Variants in PPP1R3F observed in about 807,000 individuals in gnomAD.
PPP1R3F encodes the protein protein phosphatase 1, regulatory (inhibitor) subunit 3F.
In PPP1R3F, 29 loss-of-function variants were observed where a neutral mutation model predicts 24.2. The observed-to-expected ratio is 1.20, with a 90% confidence interval of 0.89 to 1.63. The LOEUF is 1.63. Ranked by LOEUF, PPP1R3F falls within the 40% of genes most tolerant of loss-of-function variation. The pLI is 0.00. For synonymous variants in PPP1R3F, 363 were observed against 340.1 expected (o/e 1.07, Z -0.74); for missense variants, 823 against 729.3 (o/e 1.13, Z -1.48).
At chrX:49,278,454 A>G (rs1274526830) in intron 1 of PPP1R3F, among the ~76,000 whole-genome samples, 3 of 112,541 alleles carry the variant, frequency 2.7e-5, no homozygotes, top group Non-Finnish European at 3.8e-5. Flanking sequence ...CCTGGATTTT[A>G]GGACCACGGA....
intron 1 of PPP1R3F, among the ~76,000 whole-genome samples, chrX:49,279,239 AAAAAAC>A (rs1323355133): frequency 1.8e-5 from 2 of 111,883 alleles, no homozygotes; most frequent in Non-Finnish European, 3.8e-5. Flanking sequence ...ACAAAATACA[AAAAAAC>A]AAAAACAAAA....
Position 49,270,769 on chromosome X carries a change from C to G in PPP1R3F, c.900C>G (p.Pro300=). The G allele has an allele frequency of 6.7e-6, 8 of 1,198,099 alleles. No individual in the cohort carries two copies. Among genetic ancestry groups the G allele is most frequent in the Non-Finnish European group, 9.0e-6 (8 of 888,762 alleles). Residue 300 remains proline (P), a synonymous_variant, in exon 1 of 4, where the codon CCC becomes CCG. Transcript: ENST00000055335. ...APTPTDAEGL[P]QQQQLPQLEP... Reference sequence around the variant, plus strand: ...CACCCACTGATGCCGAAGGGCTGCCCCAGCAGCAGCAGCTGCCGCAGCTGG... The same window carrying G: ...CACCCACTGATGCCGAAGGGCTGCCGCAGCAGCAGCAGCTGCCGCAGCTGG...
chrX:49,287,002 C>T lies in PPP1R3F; in HGVS notation c.2312C>T (p.Ala771Val), dbSNP rs782767127. ...GPLTQTLGVL[A>V]GLVVVPVALN... ...TTGACCCAGACTCTGGGGGTCCTGGCCGGGCTAGTGGTGGTCCCTGTGGCT... is the reference window on the plus strand; with the variant it reads ...TTGACCCAGACTCTGGGGGTCCTGGTCGGGCTAGTGGTGGTCCCTGTGGCT... The change falls in exon 4 of 4, where the codon GCC (alanine) becomes GTC (valine). Residue 771 changes from alanine to valine, a missense_variant. Ala to Val is a moderately conservative substitution (Grantham distance 64). Transcript: ENST00000055335. The T allele has an allele frequency of 2.1e-5, 26 of 1,210,681 alleles. No individual in the cohort carries two copies. In the African/African-American group the frequency reaches 4.2e-4, roughly 19 times the overall value.
downstream of PPP1R3F, among the ~76,000 whole-genome samples, chrX:49,290,926 C>A (rs1460988324): frequency 1.8e-5 from 2 of 111,608 alleles, no homozygotes; most frequent in Non-Finnish European, 3.8e-5. Flanking sequence ...CACTGTTATG[C>A]CCCCACCCTG....
intron 3 of PPP1R3F, 148 bp downstream of exon 3, chrX:49,282,211 G>A: frequency 4.5e-6 from 2 of 439,796 alleles, no homozygotes; most frequent in Non-Finnish European, 7.9e-6. Flanking sequence ...ATGGGGGAGG[G>A]GGAGAATGCA....
chrX:49,290,605 C>A (rs897818497), downstream of PPP1R3F, among the ~76,000 whole-genome samples: 1 of 111,284 alleles, frequency 9.0e-6, no homozygotes, highest in African/African-American at 3.3e-5. Context: ...TTGGGGAAAA[C>A]GTTGTACTGC....
intron 1 of PPP1R3F, chrX:49,273,233 A>G (rs958023217): frequency 1.8e-5 from 2 of 110,731 alleles, no homozygotes; most frequent in African/African-American, 6.6e-5. Context: ...TGTCATGGGA[A>G]CCCTGTCTGT....
intron 1 of PPP1R3F, among the ~76,000 whole-genome samples, chrX:49,278,318 T>A (rs1294671338): frequency 8.9e-6 from 1 of 112,335 alleles, no homozygotes; most frequent in Non-Finnish European, 1.9e-5. Flanking sequence ...CTGTGGGCCT[T>A]CTTGAAGAGG....
downstream of PPP1R3F, among the ~76,000 whole-genome samples, chrX:49,289,661 A>G (rs1166279641): frequency 8.9e-6 from 1 of 111,848 alleles, no homozygotes; most frequent in Non-Finnish European, 1.9e-5. Flanking sequence ...CACCTCTGGC[A>G]GAGGGAGGGA....
At chrX:49,284,174 C>G (rs2066265644) in intron 3 of PPP1R3F, among the ~76,000 whole-genome samples, 1 of 111,210 alleles carries the variant, frequency 9.0e-6, no homozygotes, top group African/African-American at 3.3e-5. Context: ...ATTGAACTAT[C>G]CCTGGCTAGT....
chrX:49,295,253 C>A (rs1223113762), intron 3 of PPP1R3F, among the ~76,000 whole-genome samples: 1 of 111,374 alleles, frequency 9.0e-6, no homozygotes, highest in Non-Finnish European at 1.9e-5. Context: ...AAGCAATTCT[C>A]GTGTCTCAGC....
In PPP1R3F at chrX:49,270,205, GT is replaced by G; in HGVS notation, c.340del (p.Tyr114ThrfsTer58). 1 of 1,095,363 alleles carries G rather than the reference GT, an allele frequency of 9.1e-7. No individual in the cohort carries two copies. The allele number at this position is 1,095,363 out of a possible 1,213,427, so 90.3% of individuals were successfully genotyped here. A position where few individuals can be genotyped will look rare whatever the true frequency, so the allele number is the denominator to read the frequency against. ...TGTGCCCCGTCCCCGCTGGCGGGGG[GT>G]TTTACCTGGTCCCCACATTTTCGCT... Reference protein sequence around the residue: ...PLCPVPAGGGFYLVPTFSLPP... With the variant: ...PLCPVPAGGGXYLVPTFSLPP... On this transcript the variant is annotated frameshift_variant, in exon 1 of 4. Transcript: ENST00000055335. LOFTEE classifies it high-confidence loss of function.
Position 49,270,156 on chromosome X carries a change from A to G in PPP1R3F, c.287A>G (p.Glu96Gly). The change falls in exon 1 of 4, where the codon GAG (glutamate) becomes GGG (glycine). Residue 96 changes from glutamate (E) to glycine (G), a missense_variant. Glu to Gly is a moderately conservative substitution (Grantham distance 98). Coordinates refer to ENST00000055335, the MANE Select transcript of PPP1R3F (RefSeq NM_033215.5). ...EDGDEGEEEE[E>G]ACPEPSPLCP... ...GGGGATGAAGGGGAGGAGGAAGAGG[A>G]GGCTTGCCCCGAGCCCTCACCGCTG... is the stretch of plus-strand genomic sequence containing the variant. 9.3e-7 allele frequency: 1 copy of G among 1,081,020 alleles called. No homozygotes were observed. The highest frequency in any genetic ancestry group is 3.8e-5 in the East Asian group (1 of 26,628). 89.1% of individuals were successfully genotyped at this position (1,081,020 alleles called of 1,213,427 possible).
intron 1 of PPP1R3F, among the ~76,000 whole-genome samples, chrX:49,272,845 A>G (rs2066188920): frequency 1.8e-5 from 2 of 111,997 alleles, no homozygotes; most frequent in South Asian, 7.4e-4. Context: ...CAGGTAGCTC[A>G]GAGAGATGAG....
In PPP1R3F at chrX:49,300,477, GTT is replaced by G. The variant is rs35140303; in HGVS notation, c.393-845_393-844del. 6.6e-3 allele frequency among the ~76,000 whole-genome samples: 461 copies of G among 70,241 alleles called. 2 individuals carry two copies. Among genetic ancestry groups the G allele is most frequent in the African/African-American group, 0.032 (432 of 13,493 alleles). The allele number at this position is 70,241 out of a possible 115,157, so 61.0% of individuals were successfully genotyped here. On this transcript the variant is annotated intron_variant, in intron 3 of 3. Coordinates refer to the PPP1R3F transcript ENST00000471261. ...ATTTGGCCATCTTGCTATTGCTGCT[GTT>G]TTTTTTTTTTTTTTTTTTTTTTTTT... is the stretch of plus-strand genomic sequence containing the variant.
intron 1 of PPP1R3F, chrX:49,281,184 ATTG>A: frequency 3.3e-6 from 1 of 304,648 alleles, no homozygotes; most frequent in Non-Finnish European, 5.7e-6. Context: ...CTGATGTGTG[ATTG>A]TTTTTCTTGC....
In PPP1R3F at chrX:49,270,657, T is replaced by C; in HGVS notation, c.788T>C (p.Val263Ala). ...AGDGARLDFV[V>A]RYETPEGTFW... Reference sequence around the variant, plus strand: ...GATGGGGCGCGCCTCGACTTCGTGGTGCGCTATGAGACCCCTGAGGGCACT... The same window carrying C: ...GATGGGGCGCGCCTCGACTTCGTGGCGCGCTATGAGACCCCTGAGGGCACT... Residue 263 changes from valine (V) to alanine (A), a missense_variant, in exon 1 of 4, where the codon GTG becomes GCG. Val to Ala is a moderately conservative substitution (Grantham distance 64). Transcript: ENST00000055335. 8.3e-7 allele frequency: 1 copy of C among 1,209,193 alleles called. No homozygotes were observed. Among genetic ancestry groups the C allele is most frequent in the Non-Finnish European group, 1.1e-6 (1 of 894,739 alleles).
In PPP1R3F at chrX:49,286,548, T is replaced by C; in HGVS notation, c.1858T>C (p.Trp620Arg). The change falls in exon 4 of 4, where the codon TGG becomes CGG. Residue 620 changes from tryptophan to arginine, a missense_variant. Coordinates refer to ENST00000055335, the MANE Select transcript of PPP1R3F (RefSeq NM_033215.5). The part of the protein sequence containing the change: ...VATMGDVWLP[W>R]AEGSGCDGPV... The stretch of plus-strand genomic sequence containing the variant: ...CACGATGGGAGATGTGTGGCTCCCA[T>C]GGGCAGAGGGCTCAGGATGTGACGG... 8.3e-7 allele frequency: 1 copy of C among 1,211,461 alleles called. No homozygotes were observed. The highest frequency in any genetic ancestry group is 1.1e-6 in the Non-Finnish European group (1 of 895,308).
At chrX:49,281,875 C>T in intron 2 of PPP1R3F, 106 bp from the exon 3 acceptor site, 2 of 573,321 alleles carry the variant, frequency 3.5e-6, no homozygotes, top group South Asian at 2.7e-5. Flanking sequence ...TCACAGAAAG[C>T]TTCAGAGGCA....
Sources: allele counts gnomAD v4.1 joint callset (sites outside exome capture counted in the v4.1 genomes callset), GRCh38; gene constraint gnomAD v4.1.1; transcripts MANE v1.5; gene names NCBI Gene and HGNC (gene_info 2026-07-23, HGNC 2026-07-21).